The following GRID2 variants were observed in gnomAD, a reference collection of about 807,000 sequenced individuals.
The protein encoded by GRID2 is glutamate receptor ionotropic, delta-2.
GRID2 carries 33 observed loss-of-function variants against 114.8 expected under a neutral mutation model. The ratio of observed to expected loss-of-function variants is 0.29; its 90% CI spans 0.22 to 0.38. The LOEUF is 0.38. Among genes scored for constraint, GRID2 ranks in the 10% least tolerant of loss-of-function variants. GRID2 has a pLI of 1.00. For missense variants in GRID2, 1,184 were observed against 1,257.7 expected (o/e 0.94, Z 0.89); for synonymous variants, 505 against 449.9 (o/e 1.12, Z -1.55).
At chr4:92,587,335 C>T (rs910477246) in intron 1 of GRID2, among the ~76,000 whole-genome samples, 2 of 151,652 alleles carry the variant, frequency 1.3e-5, no homozygotes. Flanking sequence ...AGATCTAGTA[C>T]CTATAGTATT....
At chr4:92,740,473 A>G (rs1192702069) in intron 2 of GRID2, among the ~76,000 whole-genome samples, 2 of 152,142 alleles carry the variant, frequency 1.3e-5, no homozygotes, top group African/African-American at 4.8e-5. Context: ...CAAAACAGAG[A>G]GGGATTATGC....
At chr4:93,224,956 C>T (rs886711512) in intron 7 of GRID2, among the ~76,000 whole-genome samples, 181 bp downstream of exon 7, 3 of 151,802 alleles carry the variant, frequency 2.0e-5, no homozygotes, top group African/African-American at 7.3e-5. Flanking sequence ...GGGGAGGCTT[C>T]CTTATTTATT....
chr4:92,702,171 G>A (rs987442037), intron 2 of GRID2, among the ~76,000 whole-genome samples: 1 of 152,140 alleles, frequency 6.6e-6, no homozygotes, highest in Admixed American at 6.6e-5. Flanking sequence ...GAAAGGACGA[G>A]AGAAACAGGG....
intron 2 of GRID2, among the ~76,000 whole-genome samples, chr4:92,780,575 C>T (rs2149358263): frequency 6.6e-6 from 1 of 152,136 alleles, no homozygotes; most frequent in East Asian, 1.9e-4. Flanking sequence ...GGAAGTGTTT[C>T]TAATGAGGCA....
chr4:93,559,577 C>A (rs1734681763), intron 13 of GRID2, among the ~76,000 whole-genome samples: 1 of 152,122 alleles, frequency 6.6e-6, no homozygotes, highest in South Asian at 2.1e-4. Context: ...AGTCAGGAAA[C>A]AACAGATGCG....
At chr4:92,939,899 G>A (rs1461643806) in intron 2 of GRID2, among the ~76,000 whole-genome samples, 2 of 146,710 alleles carry the variant, frequency 1.4e-5, no homozygotes, top group Non-Finnish European at 3.0e-5. Flanking sequence ...TATTTCTGAG[G>A]GCTCTCTTCT....
At chr4:92,948,665 G>A (rs915589694) in intron 2 of GRID2, among the ~76,000 whole-genome samples, 5 of 151,754 alleles carry the variant, frequency 3.3e-5, no homozygotes, top group Non-Finnish European at 1.5e-5. Flanking sequence ...TAGAATAAAC[G>A]TTCTTAATTT....
At chr4:93,673,549 CT>C (rs964696080) in intron 14 of GRID2, among the ~76,000 whole-genome samples, 2 of 152,060 alleles carry the variant, frequency 1.3e-5, no homozygotes, top group Admixed American at 6.5e-5. Flanking sequence ...CTTACAATCA[CT>C]TTTTTTCACA....
intron 2 of GRID2, among the ~76,000 whole-genome samples, chr4:92,729,052 G>A (rs1049758511): frequency 6.6e-6 from 1 of 151,928 alleles, no homozygotes; most frequent in Non-Finnish European, 1.5e-5. Flanking sequence ...TTGTTGGGGG[G>A]TTTTCTTAGG....
Position 93,074,454 on chromosome 4 carries a change from T to C in GRID2, c.245-10541T>C, listed in dbSNP as rs142119875. On this transcript the variant is annotated intron_variant, in intron 2 of 15. Transcript: ENST00000282020. ...GTTAGCAGGAAAGGTGAATATAACATACATGAATAATAGGGGAAATTCAGC... is the reference window on the plus strand; with the variant it reads ...GTTAGCAGGAAAGGTGAATATAACACACATGAATAATAGGGGAAATTCAGC... Among the ~76,000 whole-genome samples, 630 of 152,170 alleles carry C rather than the reference T, an allele frequency of 4.1e-3. 8 individuals carry two copies. Among genetic ancestry groups the C allele is most frequent in the African/African-American group, 0.015 (610 of 41,528 alleles).
chr4:93,766,088 T>G (rs755389000), intron 14 of GRID2, among the ~76,000 whole-genome samples: 3 of 152,112 alleles, frequency 2.0e-5, no homozygotes, highest in African/African-American at 7.2e-5. Context: ...ACCTGCTCTG[T>G]AGGAGGCAAT....
In GRID2 at chr4:93,267,095, T is replaced by C. The variant is rs557338625; in HGVS notation, c.1245+28605T>C. Among the ~76,000 whole-genome samples the C allele has an allele frequency of 2.1e-3, 327 of 152,300 alleles. 2 individuals carry two copies. The highest frequency in any genetic ancestry group is 7.7e-3 in the African/African-American group (318 of 41,560). On this transcript the variant is annotated intron_variant, in intron 8 of 15. Coordinates refer to ENST00000282020, the MANE Select transcript of GRID2 (RefSeq NM_001510.4). The stretch of plus-strand genomic sequence containing the variant: ...TGATAATGGCTTCCAGTTTCATCCA[T>C]GTTGCTGCAACAATCATGATTTTAT...
At chr4:93,445,117 G>A (rs1245413358) in intron 10 of GRID2, among the ~76,000 whole-genome samples, 8 of 151,928 alleles carry the variant, frequency 5.3e-5, no homozygotes, top group Non-Finnish European at 1.0e-4. Flanking sequence ...CTTAAAGGAA[G>A]GATTTTTATT....
At chr4:93,446,675 C>A (rs748587514) in intron 10 of GRID2, among the ~76,000 whole-genome samples, 1 of 151,896 alleles carries the variant, frequency 6.6e-6, no homozygotes, top group Non-Finnish European at 1.5e-5. Flanking sequence ...CAGACTCCAG[C>A]AATTTTCACA....
chr4:93,774,989 T>C (rs1432758592), downstream of GRID2, among the ~76,000 whole-genome samples: 1 of 152,156 alleles, frequency 6.6e-6, no homozygotes, highest in Non-Finnish European at 1.5e-5. Flanking sequence ...TAGAGAATTA[T>C]TCGTCATGCT....
At chr4:93,597,781 C>A (rs1027034702) in intron 13 of GRID2, among the ~76,000 whole-genome samples, 1 of 152,194 alleles carries the variant, frequency 6.6e-6, no homozygotes, top group Non-Finnish European at 1.5e-5. Context: ...TCTGCCTCAA[C>A]GAAAATCCTT....
rs1728049662 is a variant in GRID2, at chr4:93,706,901, T to G, written c.2361-62309T>G. Among the ~76,000 whole-genome samples, 4 of 152,260 alleles carry G rather than the reference T, an allele frequency of 2.6e-5. No homozygotes were observed. In the South Asian group the frequency reaches 8.3e-4, roughly 32 times the overall value. ...GGCATGTTCTTTCTATACTCAGTTT[T>G]GTGGGAGTTTTATTATGAAGGAATA... On this transcript the variant is annotated intron_variant, in intron 14 of 15. Transcript: ENST00000282020.
intron 12 of GRID2, among the ~76,000 whole-genome samples, chr4:93,510,677 T>C (rs1729074869): frequency 6.6e-6 from 1 of 152,040 alleles, no homozygotes; most frequent in South Asian, 2.1e-4. Context: ...TCTTCAACAA[T>C]ATTTATAAAG....
At chr4:93,747,018 A>T (rs1247916773) in intron 14 of GRID2, among the ~76,000 whole-genome samples, 1 of 152,058 alleles carries the variant, frequency 6.6e-6, no homozygotes, top group Non-Finnish European at 1.5e-5. Context: ...CCAAAGCTAC[A>T]TCTAGCAAAA....
Sources: gnomAD v4.1 joint callset for allele counts (sites outside exome capture counted in the v4.1 genomes callset) on GRCh38, gnomAD v4.1.1 for gene constraint, MANE v1.5 for transcripts, NCBI Gene and HGNC (gene_info 2026-07-23, HGNC 2026-07-21) for gene names.